Variants in SLCO5A1 observed in about 807,000 individuals in gnomAD.
SLCO5A1 encodes the protein solute carrier organic anion transporter family member 5A1, also known as organic anion transporter polypeptide-related protein 4.
In SLCO5A1, 39 loss-of-function variants were observed where a neutral mutation model predicts 65.1. The ratio of observed to expected loss-of-function variants is 0.60; its 90% confidence interval spans 0.46 to 0.78. The LOEUF (loss-of-function observed/expected upper bound fraction) is 0.78. SLCO5A1 is among the 30% of genes least tolerant of loss of function. SLCO5A1 has a pLI of 0.00. For missense variants in SLCO5A1, 1,029 were observed against 1,069.4 expected, an observed-to-expected ratio of 0.96 and a Z score of 0.53; for synonymous variants, 438 against 415.7, an observed-to-expected ratio of 1.05 and a Z score of -0.65.
intron 2 of SLCO5A1, among the ~76,000 whole-genome samples, chr8:69,777,705 G>A (rs1273085889): frequency 1.3e-5 from 2 of 152,168 alleles, no homozygotes; most frequent in Admixed American, 6.5e-5. Context: ...TGTCCCCACC[G>A]GGGATGTGAA....
intron 2 of SLCO5A1, among the ~76,000 whole-genome samples, chr8:69,804,886 G>A (rs771738076): frequency 1.3e-5 from 2 of 152,056 alleles, no homozygotes; most frequent in Non-Finnish European, 2.9e-5. Flanking sequence ...CTGCAGGCCG[G>A]GCTCCTGCCA....
At chr8:69,720,451 C>A (rs1458119655) in intron 5 of SLCO5A1, among the ~76,000 whole-genome samples, 1 of 152,222 alleles carries the variant, frequency 6.6e-6, no homozygotes, top group Non-Finnish European at 1.5e-5. Context: ...GAAGACTATG[C>A]AAGGCACATG....
At chr8:69,785,050 GAGAAAGGAAGAAAGGAAGGA>G (rs999424008) in intron 2 of SLCO5A1, among the ~76,000 whole-genome samples, 1 of 150,372 alleles carries the variant, frequency 6.7e-6, no homozygotes, top group Admixed American at 6.7e-5. Flanking sequence ...GAGAGAGAGA[GAGAAAGGAAGAAAGGAAGGA>G]AGGAAGGGAA....
chr8:69,744,150 T>G (rs1293797653), intron 4 of SLCO5A1, among the ~76,000 whole-genome samples: 1 of 152,188 alleles, frequency 6.6e-6, no homozygotes, highest in East Asian at 1.9e-4. Context: ...TTTTTGCTGT[T>G]GTGTTAGATT....
In SLCO5A1 at chr8:69,671,074, G is replaced by C. The variant is rs986712172; in HGVS notation, c.*1795C>G. The C allele has an allele frequency of 3.3e-5, 5 of 152,320 alleles. No homozygotes were observed. The South Asian group carries it at 1.0e-3, about 32-fold the overall frequency. The allele number at this position is 152,320 out of a possible 1,614,324, so 9.4% of individuals were successfully genotyped here. ...ACCAAGCAAGAATCCTCACCTCCCC[G>C]AGAGCCAAGCCCAGGAACCAGAGGG... is the stretch of plus-strand genomic sequence containing the variant. On this transcript the variant is annotated 3_prime_UTR_variant, in exon 10 of 10. Coordinates refer to ENST00000260126, the MANE Select transcript of SLCO5A1 (RefSeq NM_030958.3).
intron 8 of SLCO5A1, among the ~76,000 whole-genome samples, chr8:69,678,824 A>C (rs1208809752): frequency 6.6e-6 from 1 of 151,688 alleles, no homozygotes; most frequent in Non-Finnish European, 1.5e-5. Flanking sequence ...GGGAGAAATC[A>C]CATTCCCCAA....
intron 2 of SLCO5A1, among the ~76,000 whole-genome samples, chr8:69,808,467 C>T (rs1362492236): frequency 5.3e-5 from 8 of 152,152 alleles, no homozygotes; most frequent in Admixed American, 1.3e-4. Flanking sequence ...TGGCCTCCAG[C>T]TCCATCCACG....
intron 5 of SLCO5A1, among the ~76,000 whole-genome samples, chr8:69,709,639 G>A (rs968523172): frequency 6.6e-6 from 1 of 152,124 alleles, no homozygotes; most frequent in African/African-American, 2.4e-5. Flanking sequence ...TTTTTCCTCC[G>A]AGAATTCATA....
In SLCO5A1 at chr8:69,832,945, C is replaced by T. The variant is rs2130932567; in HGVS notation, c.-272G>A. The T allele has an allele frequency of 1.6e-5, 7 of 440,538 alleles. No individual in the cohort carries two copies. In the South Asian group the frequency reaches 3.0e-4, roughly 19 times the overall value. 27.3% of individuals were successfully genotyped at this position (440,538 alleles called of 1,614,324 possible). ...GATGAGCCCTACTCGGCGTCCCTCT[C>T]CGGGCGGTAGCTTGAGGCAGGCGCC... On this transcript the variant is annotated 5_prime_UTR_variant, in exon 2 of 10. Coordinates refer to ENST00000260126, the MANE Select transcript of SLCO5A1 (RefSeq NM_030958.3). This position sits in a 1 kb window ranked among gnomAD's most constrained non-coding sequence, Gnocchi z 4.5.
chr8:69,796,908 G>A (rs777619137), intron 2 of SLCO5A1, among the ~76,000 whole-genome samples: 22 of 152,074 alleles, frequency 1.4e-4, no homozygotes, highest in Non-Finnish European at 3.1e-4. Flanking sequence ...TAGCAAAAGT[G>A]ACCTTTACTC....
intron 2 of SLCO5A1, among the ~76,000 whole-genome samples, chr8:69,762,498 A>G (rs1047302456): frequency 2.0e-5 from 3 of 151,904 alleles, no homozygotes; most frequent in Non-Finnish European, 2.9e-5. Context: ...GTTTTTTAAT[A>G]TAAGTGTTCA....
chr8:69,799,707 C>T (rs149797675), intron 2 of SLCO5A1, among the ~76,000 whole-genome samples: 95 of 152,174 alleles, frequency 6.2e-4, no homozygotes, highest in Non-Finnish European at 1.1e-3. Context: ...ATGGCAATAG[C>T]GAAGAGAGGT....
rs1158281168 is a variant in SLCO5A1 at position 69,668,180 on chromosome 8, C to A, written c.*4689G>T. ...TTAAAATAAAACCTCCTCAAACATACACAGATCTGATTCTAATGCAACAAG... is the reference window on the plus strand; with the variant it reads ...TTAAAATAAAACCTCCTCAAACATAAACAGATCTGATTCTAATGCAACAAG... On this transcript the variant is annotated 3_prime_UTR_variant, in exon 10 of 10. Transcript: ENST00000260126. 1 of 152,086 alleles carries A rather than the reference C, an allele frequency of 6.6e-6. No homozygotes were observed. The highest frequency in any genetic ancestry group is 6.5e-5 in the Admixed American group (1 of 15,276). The allele number at this position is 152,086 out of a possible 1,614,324, so 9.4% of individuals were successfully genotyped here.
At chr8:69,821,236 G>A (rs905402275) in intron 2 of SLCO5A1, among the ~76,000 whole-genome samples, 1 of 152,034 alleles carries the variant, frequency 6.6e-6, no homozygotes, top group African/African-American at 2.4e-5. Flanking sequence ...GCGCACCCCT[G>A]TAATCCCAGC....
rs1032626884 is a variant in SLCO5A1, at chr8:69,668,526, C to G, written c.*4343G>C. 6.6e-6 allele frequency: 1 copy of G among 152,220 alleles called. No individual in the cohort carries two copies. Among genetic ancestry groups the G allele is most frequent in the African/African-American group, 2.4e-5 (1 of 41,462 alleles). 9.4% of individuals were successfully genotyped at this position (152,220 alleles called of 1,614,324 possible). ...GATGTTTTAAGTACATACACGATCA[C>G]AAAATATAATTGGCTACCACCCGAG... On this transcript the variant is annotated 3_prime_UTR_variant, in exon 10 of 10. Transcript: ENST00000260126.
intron 5 of SLCO5A1, among the ~76,000 whole-genome samples, chr8:69,736,696 G>A (rs946561873): frequency 4.6e-5 from 7 of 152,250 alleles, no homozygotes; most frequent in Non-Finnish European, 1.0e-4. Flanking sequence ...AGGGCCTGCA[G>A]TAAAGAATCC....
chr8:69,669,473 T>G lies in SLCO5A1; in HGVS notation c.*3396A>C, dbSNP rs1813269430. On this transcript the variant is annotated 3_prime_UTR_variant, in exon 10 of 10. Coordinates refer to ENST00000260126, the MANE Select transcript of SLCO5A1 (RefSeq NM_030958.3). Reference sequence around the variant, plus strand: ...CTTTACCATTCTGTATGATCCTAAATGAGTTATTTTACTTCTCTGAGTCTT... The same window carrying G: ...CTTTACCATTCTGTATGATCCTAAAGGAGTTATTTTACTTCTCTGAGTCTT... The G allele has an allele frequency of 6.6e-6, 1 of 152,188 alleles. No homozygotes were observed. The highest frequency in any genetic ancestry group is 2.1e-4 in the South Asian group (1 of 4,832). 9.4% of individuals were successfully genotyped at this position (152,188 alleles called of 1,614,324 possible). A position where few individuals can be genotyped will look rare whatever the true frequency, so the allele number is the denominator to read the frequency against.
rs557414753 is a variant in SLCO5A1 at position 69,768,374 on chromosome 8, G to A, written c.908-6499C>T. ...GTGTACCTCCTCCCAACCTTGGCAA[G>A]ATGTACAGGTTACACATCAAAGGAA... On this transcript the variant is annotated intron_variant, in intron 2 of 9. Coordinates refer to ENST00000260126, the MANE Select transcript of SLCO5A1 (RefSeq NM_030958.3). 4.6e-5 allele frequency among the ~76,000 whole-genome samples: 7 copies of A among 152,306 alleles called. No homozygotes were observed. In the South Asian group the frequency reaches 1.5e-3, roughly 32 times the overall value.
chr8:69,698,373 G>A (rs1422791277), intron 6 of SLCO5A1, among the ~76,000 whole-genome samples: 1 of 152,184 alleles, frequency 6.6e-6, no homozygotes, highest in African/African-American at 2.4e-5. Context: ...TATATAACCA[G>A]TAATGGGATT....
Sources: gnomAD v4.1 joint callset for allele counts (sites outside exome capture counted in the v4.1 genomes callset) on GRCh38, gnomAD v4.1.1 for gene constraint, Gnocchi (gnomAD v3.1) non-coding constraint, MANE v1.5 for transcripts, NCBI Gene and HGNC (gene_info 2026-07-23, HGNC 2026-07-21) for gene names.